GPC6: variants seen among roughly 807,000 people sequenced by gnomAD.
The protein encoded by GPC6 is glypican-6.
A neutral mutation model predicts 55.2 loss-of-function variants in GPC6; 14 were observed. The observed-to-expected ratio is 0.25, with a 90% CI of 0.17 to 0.40. The LOEUF (loss-of-function observed/expected upper bound fraction) is 0.40, where lower values mean the gene tolerates loss of function less well. Ranked by LOEUF, GPC6 falls within the 10% of genes least tolerant of loss-of-function variation. GPC6 has a pLI of 1.00. For synonymous variants in GPC6, 278 were observed against 259.6 expected (o/e 1.07, Z -0.68); for missense variants, 641 against 708.5 (o/e 0.90, Z 1.08).
intron 1 of GPC6, among the ~76,000 whole-genome samples, chr13:93,264,703 G>T (rs570366859): frequency 1.1e-4 from 17 of 152,252 alleles, no homozygotes; most frequent in African/African-American, 4.1e-4. Flanking sequence ...TGGCTATCCT[G>T]TATACTTTAA....
chr13:94,059,670 G>A (rs1884254499), intron 4 of GPC6, among the ~76,000 whole-genome samples: 13 of 151,896 alleles, frequency 8.6e-5, no homozygotes. Context: ...AGATCAAGGT[G>A]CTAGATTTGT....
At chr13:94,375,446 A>G (rs1879802044) in intron 6 of GPC6, among the ~76,000 whole-genome samples, 1 of 151,960 alleles carries the variant, frequency 6.6e-6, no homozygotes, top group African/African-American at 2.4e-5. Context: ...TAGAAAATCT[A>G]GAAGAAATGG....
intron 1 of GPC6, among the ~76,000 whole-genome samples, chr13:93,499,281 T>A (rs1209716745): frequency 6.6e-6 from 1 of 152,214 alleles, no homozygotes; most frequent in Non-Finnish European, 1.5e-5. Flanking sequence ...CCACATCTGC[T>A]TAGTTGTCAG....
chr13:93,937,175 A>G (rs1255644837), intron 3 of GPC6, among the ~76,000 whole-genome samples: 1 of 152,244 alleles, frequency 6.6e-6, no homozygotes, highest in East Asian at 1.9e-4. Flanking sequence ...GTTACGAATT[A>G]CATGGGATGG....
chr13:94,067,837 C>A (rs748301513), intron 4 of GPC6, among the ~76,000 whole-genome samples: 3 of 152,118 alleles, frequency 2.0e-5, no homozygotes, highest in Non-Finnish European at 4.4e-5. Context: ...CTCATACAAT[C>A]CTCTGGTTTT....
intron 1 of GPC6, among the ~76,000 whole-genome samples, chr13:93,310,657 A>C (rs1879035791): frequency 6.6e-6 from 1 of 152,230 alleles, no homozygotes; most frequent in Admixed American, 6.5e-5. Context: ...ACTATATATT[A>C]AAAATTATTT....
intron 3 of GPC6, among the ~76,000 whole-genome samples, chr13:93,981,852 G>A (rs1880818563): frequency 6.6e-6 from 1 of 152,098 alleles, no homozygotes; most frequent in Admixed American, 6.6e-5. Flanking sequence ...TGGTGGTGGA[G>A]TCACTAAAAT....
At chr13:93,942,521 C>T (rs562290864) in intron 3 of GPC6, among the ~76,000 whole-genome samples, 1 of 152,250 alleles carries the variant, frequency 6.6e-6, no homozygotes, top group Admixed American at 6.5e-5. Flanking sequence ...AGGTTTTTGC[C>T]ATGTTGACCA....
At chr13:94,127,604 G>A (rs1886863824) in intron 4 of GPC6, among the ~76,000 whole-genome samples, 1 of 152,106 alleles carries the variant, frequency 6.6e-6, no homozygotes, top group African/African-American at 2.4e-5. Context: ...ACCTAATACA[G>A]TGGTAAAAAT....
At chr13:93,307,705 G>T (rs1167196345) in intron 1 of GPC6, among the ~76,000 whole-genome samples, 1 of 152,028 alleles carries the variant, frequency 6.6e-6, no homozygotes, top group Non-Finnish European at 1.5e-5. Context: ...GAGTAATGAG[G>T]TGTATGATAA....
intron 4 of GPC6, among the ~76,000 whole-genome samples, chr13:94,286,061 TG>T (rs1892521534): frequency 6.6e-6 from 1 of 152,234 alleles, no homozygotes; most frequent in African/African-American, 2.4e-5. Context: ...GACCTAATAC[TG>T]TTTTTACTTC....
At chr13:93,343,332 C>T (rs986443294) in intron 1 of GPC6, among the ~76,000 whole-genome samples, 2 of 152,168 alleles carry the variant, frequency 1.3e-5, no homozygotes, top group Admixed American at 1.3e-4. Context: ...CTTGTGCTTG[C>T]AGAGAGGGTC....
intron 1 of GPC6, among the ~76,000 whole-genome samples, chr13:93,319,669 C>A (rs778281546): frequency 1.3e-5 from 2 of 152,022 alleles, no homozygotes; most frequent in Non-Finnish European, 2.9e-5. Context: ...AAAATAAATT[C>A]TCAAAGTAAT....
At chr13:93,752,523 A>G (rs1457398392) in intron 2 of GPC6, among the ~76,000 whole-genome samples, 1 of 152,138 alleles carries the variant, frequency 6.6e-6, no homozygotes, top group African/African-American at 2.4e-5. Context: ...CACTGGCAAC[A>G]TTATAATTTT....
intron 1 of GPC6, among the ~76,000 whole-genome samples, chr13:93,364,137 T>G (rs1318082147): frequency 1.3e-5 from 2 of 152,206 alleles, no homozygotes; most frequent in Non-Finnish European, 2.9e-5. Flanking sequence ...CTCTTTAGTT[T>G]ATTTAGATCC....
chr13:93,727,775 T>G (rs1271371936), intron 2 of GPC6, among the ~76,000 whole-genome samples: 1 of 152,144 alleles, frequency 6.6e-6, no homozygotes, highest in Non-Finnish European at 1.5e-5. Flanking sequence ...TGTGTCACTT[T>G]CCTGTCTGAG....
chr13:94,009,718 A>G (rs1411797511), intron 3 of GPC6, among the ~76,000 whole-genome samples: 1 of 152,148 alleles, frequency 6.6e-6, no homozygotes. Context: ...TTTAAAAACT[A>G]GATAGTGGCC....
intron 1 of GPC6, among the ~76,000 whole-genome samples, chr13:93,393,441 G>A (rs959999985): frequency 2.0e-5 from 3 of 151,996 alleles, no homozygotes; most frequent in Admixed American, 6.6e-5. Context: ...ACCATGCCTG[G>A]CCAAATTTGC....
At chr13:93,305,395 C>G (rs1342349989) in intron 1 of GPC6, among the ~76,000 whole-genome samples, 3 of 152,042 alleles carry the variant, frequency 2.0e-5, no homozygotes. Flanking sequence ...CGTACTGGGA[C>G]CACAAGCAGT....
Sources: allele counts gnomAD v4.1 joint callset (sites outside exome capture counted in the v4.1 genomes callset), GRCh38; gene constraint gnomAD v4.1.1; transcripts MANE v1.5; gene names NCBI Gene and HGNC (gene_info 2026-07-23, HGNC 2026-07-21).